PDE1C: variants seen among roughly 807,000 people sequenced by gnomAD.
PDE1C encodes the protein dual specificity calcium/calmodulin-dependent 3',5'-cyclic nucleotide phosphodiesterase 1C.
A neutral mutation model predicts 93.1 loss-of-function variants in PDE1C; 62 were observed. The ratio of observed to expected loss-of-function variants is 0.67; its 90% confidence interval spans 0.54 to 0.82. The LOEUF is 0.82. Among genes scored for constraint, PDE1C ranks in the 40% least tolerant of loss-of-function variants. The probability of loss-of-function intolerance (pLI) is 0.00; values close to 1 mark genes in which losing one functional copy is unlikely to be tolerated. For missense variants in PDE1C, 742 were observed against 884.6 expected (o/e 0.84, Z 2.04); for synonymous variants, 325 against 310.1 (o/e 1.05, Z -0.50).
At chr7:32,098,018 C>A (rs1427668680) in intron 3 of PDE1C, among the ~76,000 whole-genome samples, 1 of 149,030 alleles carries the variant, frequency 6.7e-6, no homozygotes, top group Non-Finnish European at 1.5e-5. Flanking sequence ...ATCACGAGGT[C>A]AGGAGATCGA....
intron 1 of PDE1C, among the ~76,000 whole-genome samples, chr7:32,380,900 C>A (rs1784522869): frequency 6.6e-6 from 1 of 151,962 alleles, no homozygotes; most frequent in African/African-American, 2.4e-5. Flanking sequence ...GACCCATTTG[C>A]AGCTGTACTG....
At chr7:32,116,982 G>A (rs1030511001) in intron 3 of PDE1C, among the ~76,000 whole-genome samples, 2 of 152,132 alleles carry the variant, frequency 1.3e-5, no homozygotes, top group African/African-American at 4.8e-5. Flanking sequence ...ACCATATGGG[G>A]AAAGCACTTT....
chr7:31,974,643 G>A (rs1238707872), intron 2 of PDE1C, among the ~76,000 whole-genome samples: 2 of 151,444 alleles, frequency 1.3e-5, no homozygotes, highest in African/African-American at 2.4e-5. Context: ...GGGAGGGAGG[G>A]AGGGCTAGCC....
At chr7:31,735,433 C>T in the PDE1C span, among the ~76,000 whole-genome samples, 1 of 147,918 alleles carries the variant, frequency 6.8e-6, no homozygotes, top group East Asian at 2.0e-4. Context: ...AAAAGCACTG[C>T]CTTTAAGTGT....
rs535620737 is a variant in PDE1C at position 32,241,363 on chromosome 7, TGAA to T, written c.86-31827_86-31825del. 2.4e-4 allele frequency among the ~76,000 whole-genome samples: 37 copies of T among 152,168 alleles called. No homozygotes were observed. In the South Asian group the frequency reaches 7.7e-3, roughly 32 times the overall value. On this transcript the variant is annotated intron_variant, in intron 1 of 18. Transcript: ENST00000396193. The stretch of plus-strand genomic sequence containing the variant: ...CCAAGAGTTGTACCTCATACCCAAG[TGAA>T]GAAGATGTTTTAAGAAGGAGGGAGT...
At chr7:31,940,985 T>A (rs140857439) in intron 2 of PDE1C, among the ~76,000 whole-genome samples, 2 of 151,894 alleles carry the variant, frequency 1.3e-5, no homozygotes, top group East Asian at 3.9e-4. Context: ...AGGAAATCTA[T>A]CCCAGTTAAG....
At chr7:31,965,834 C>T (rs1809849014) in intron 2 of PDE1C, among the ~76,000 whole-genome samples, 1 of 152,148 alleles carries the variant, frequency 6.6e-6, no homozygotes, top group African/African-American at 2.4e-5. Context: ...ATTTCCAACC[C>T]AGAATTTCAT....
At chr7:32,296,227 A>G (rs1447723395) in intron 1 of PDE1C, among the ~76,000 whole-genome samples, 2 of 152,198 alleles carry the variant, frequency 1.3e-5, no homozygotes, top group African/African-American at 4.8e-5. Context: ...AAAATTTCTT[A>G]AATGCCTCTC....
At position 32,404,549 on chromosome 7, in the gene PDE1C, C is replaced by T. The variant is rs566238936; in HGVS notation, c.310+23273G>A. ...TTTTATTTTTTATTTTTTTAAGAGA[C>T]AGGGTCTCACTCTGTTGCCCAGGCT... On this transcript the variant is annotated intron_variant, in intron 1 of 1. Transcript: ENST00000672256. 5.3e-5 allele frequency among the ~76,000 whole-genome samples: 8 copies of T among 151,986 alleles called. No homozygotes were observed. The South Asian group carries it at 1.0e-3, about 20-fold the overall frequency.
At chr7:31,643,603 G>A in the PDE1C span, 44 of 1,613,860 alleles carry the variant, frequency 2.7e-5, 1 homozygote, top group South Asian at 3.0e-4. Context: ...TCCTGTTACC[G>A]CAACAGAAAC....
intron 1 of PDE1C, among the ~76,000 whole-genome samples, chr7:32,253,997 T>C (rs977540067): frequency 3.9e-5 from 6 of 152,080 alleles, no homozygotes; most frequent in Non-Finnish European, 8.8e-5. Flanking sequence ...AGCTCACTAC[T>C]GAGAAAATGC....
At chr7:32,324,763 A>G (rs1305405095) in intron 1 of PDE1C, among the ~76,000 whole-genome samples, 2 of 152,224 alleles carry the variant, frequency 1.3e-5, no homozygotes, top group Non-Finnish European at 2.9e-5. Context: ...AGCCTGGGCT[A>G]CATAGCAAGA....
intron 15 of PDE1C, among the ~76,000 whole-genome samples, chr7:31,814,286 G>T (rs910411741): frequency 3.9e-5 from 6 of 152,004 alleles, no homozygotes; most frequent in African/African-American, 1.4e-4. Flanking sequence ...TTGGGTACAT[G>T]AAAAATTCTT....
chr7:32,127,250 C>T (rs1158483291), intron 3 of PDE1C, among the ~76,000 whole-genome samples: 1 of 152,112 alleles, frequency 6.6e-6, no homozygotes, highest in Non-Finnish European at 1.5e-5. Flanking sequence ...ACTTGTCAGC[C>T]TCCATAGTTC....
intron 1 of PDE1C, among the ~76,000 whole-genome samples, chr7:32,065,677 A>G (rs904663125): frequency 7.2e-5 from 11 of 152,210 alleles, no homozygotes; most frequent in Non-Finnish European, 1.5e-5. Context: ...AACACTAATT[A>G]TATCATTTAA....
At chr7:31,720,847 C>T in the PDE1C span, among the ~76,000 whole-genome samples, 11 of 152,184 alleles carry the variant, frequency 7.2e-5, no homozygotes, top group African/African-American at 7.2e-5. Context: ...AGTACCTTAA[C>T]GCCTTGCCTC....
At chr7:32,243,715 T>C (rs746205165) in intron 1 of PDE1C, among the ~76,000 whole-genome samples, 45 of 152,210 alleles carry the variant, frequency 3.0e-4, no homozygotes, top group Non-Finnish European at 5.7e-4. Context: ...GGAGAAGTCA[T>C]ATTTCCAAAA....
intron 2 of PDE1C, among the ~76,000 whole-genome samples, chr7:31,899,476 T>C (rs1799711751): frequency 6.6e-6 from 1 of 152,082 alleles, no homozygotes; most frequent in Admixed American, 6.6e-5. Context: ...GTCTTGCCTA[T>C]AGGTCACAAT....
At chr7:32,278,205 A>G (rs902418564) in intron 1 of PDE1C, among the ~76,000 whole-genome samples, 1 of 152,164 alleles carries the variant, frequency 6.6e-6, no homozygotes, top group African/African-American at 2.4e-5. Flanking sequence ...CATATTGGAA[A>G]CAGGTTTAGA....
Sources: allele counts gnomAD v4.1 joint callset (sites outside exome capture counted in the v4.1 genomes callset), GRCh38; gene constraint gnomAD v4.1.1; transcripts MANE v1.5; gene names NCBI Gene and HGNC (gene_info 2026-07-23, HGNC 2026-07-21).